Variants in ARSB observed in about 807,000 individuals in gnomAD.
ARSB encodes the protein N-acetylgalactosamine-4-sulfatase.
Under a neutral mutation model 50.9 loss-of-function variants are expected in ARSB, and 41 were observed. The ratio of observed to expected loss-of-function variants is 0.81; its 90% CI spans 0.63 to 1.04. The LOEUF is 1.04. Among genes scored for constraint, ARSB ranks in the 50% least tolerant of loss-of-function variants. The probability of loss-of-function intolerance (pLI) is 0.00; values close to 1 mark genes in which losing one functional copy is unlikely to be tolerated. For missense variants in ARSB, 672 were observed against 693.3 expected, an observed-to-expected ratio of 0.97 and a Z score of 0.35; for synonymous variants, 269 against 284.8, an observed-to-expected ratio of 0.94 and a Z score of 0.56.
intron 6 of ARSB, among the ~76,000 whole-genome samples, chr5:78,801,084 G>C (rs1324753717): frequency 6.6e-6 from 1 of 152,176 alleles, no homozygotes; most frequent in East Asian, 1.9e-4. Context: ...ATAGAAGTTA[G>C]AACTTTATTC....
At chr5:78,945,913 G>A (rs541171270) in intron 4 of ARSB, among the ~76,000 whole-genome samples, 6 of 152,270 alleles carry the variant, frequency 3.9e-5, no homozygotes, top group South Asian at 2.1e-4. Flanking sequence ...GCTCTGAGAG[G>A]TGGCTCTTAT....
intron 6 of ARSB, among the ~76,000 whole-genome samples, chr5:78,825,232 G>C (rs1013921099): frequency 2.6e-5 from 4 of 152,196 alleles, no homozygotes; most frequent in Non-Finnish European, 4.4e-5. Context: ...ATTTTAAAGA[G>C]AAAATGTAAA....
At chr5:78,937,865 A>G (rs527482481) in intron 4 of ARSB, among the ~76,000 whole-genome samples, 2 of 152,298 alleles carry the variant, frequency 1.3e-5, no homozygotes, top group East Asian at 3.9e-4. Context: ...CAAGATTATC[A>G]CCAGCAACAT....
At chr5:78,813,205 C>G (rs1165102925) in intron 6 of ARSB, among the ~76,000 whole-genome samples, 6 of 151,996 alleles carry the variant, frequency 3.9e-5, no homozygotes, top group African/African-American at 1.4e-4. Context: ...GCTGGGATTA[C>G]AGGCATGTGC....
At chr5:78,862,524 G>T (rs1257235607) in intron 5 of ARSB, among the ~76,000 whole-genome samples, 1 of 152,150 alleles carries the variant, frequency 6.6e-6, no homozygotes, top group Non-Finnish European at 1.5e-5. Context: ...TTAATACATG[G>T]TGCTGGGAAA....
At chr5:78,807,961 C>T (rs28635990) in intron 6 of ARSB, among the ~76,000 whole-genome samples, 2,040 of 148,920 alleles carry the variant, frequency 0.014, 36 homozygotes, top group African/African-American at 0.048. Flanking sequence ...GGCGTAGTGG[C>T]GGGCGCCTGT....
At chr5:78,947,638 G>A (rs1324629937) in intron 4 of ARSB, among the ~76,000 whole-genome samples, 1 of 152,158 alleles carries the variant, frequency 6.6e-6, no homozygotes, top group Non-Finnish European at 1.5e-5. Context: ...AATAATGAAT[G>A]CTGGCGAGGA....
intron 6 of ARSB, among the ~76,000 whole-genome samples, chr5:78,831,954 C>A (rs553746370): frequency 3.9e-5 from 6 of 152,168 alleles, no homozygotes; most frequent in East Asian, 3.9e-4. Flanking sequence ...TGATTCTAAT[C>A]GAATCAGCTG....
At chr5:78,866,360 C>G (rs769808498) in intron 5 of ARSB, among the ~76,000 whole-genome samples, 3 of 152,098 alleles carry the variant, frequency 2.0e-5, no homozygotes, top group Non-Finnish European at 4.4e-5. Context: ...ATCATGAGAA[C>G]AGCATAGGAA....
At chr5:78,792,153 C>T (rs1247818177) in intron 6 of ARSB, among the ~76,000 whole-genome samples, 3 of 152,100 alleles carry the variant, frequency 2.0e-5, no homozygotes, top group Non-Finnish European at 2.9e-5. Flanking sequence ...CTGAGGCGGG[C>T]AGATCACTTG....
At chr5:78,971,811 A>G (rs1373729950) in intron 1 of ARSB, among the ~76,000 whole-genome samples, 1 of 152,216 alleles carries the variant, frequency 6.6e-6, no homozygotes, top group East Asian at 1.9e-4. Flanking sequence ...TGATGTGGTG[A>G]TGGTTTCACA....
intron 6 of ARSB, among the ~76,000 whole-genome samples, chr5:78,801,453 G>A (rs891814936): frequency 2.0e-5 from 3 of 152,212 alleles, no homozygotes; most frequent in Admixed American, 6.5e-5. Flanking sequence ...GGAAGAACAC[G>A]TGAGAGATGT....
At position 78,796,904 on chromosome 5, in the gene ARSB, G is replaced by A. The variant is rs1716980631; in HGVS notation, c.1214-14930C>T. ...CTTTTTTTTTTTTTTTTGAGACAGAGTCTCGCTCTGTCGCCCAGGCTGGAG... is the reference window on the plus strand; with the variant it reads ...CTTTTTTTTTTTTTTTTGAGACAGAATCTCGCTCTGTCGCCCAGGCTGGAG... On this transcript the variant is annotated intron_variant, in intron 6 of 7. Transcript: ENST00000264914. Among the ~76,000 whole-genome samples, 3 of 139,340 alleles carry A rather than the reference G, an allele frequency of 2.2e-5. No homozygotes were observed. The Admixed American group carries it at 2.2e-4, about 10-fold the overall frequency. 91.4% of individuals were successfully genotyped at this position (139,340 alleles called of 152,430 possible).
chr5:78,864,942 T>C (rs1237355440), intron 5 of ARSB, among the ~76,000 whole-genome samples: 4 of 152,214 alleles, frequency 2.6e-5, no homozygotes, highest in African/African-American at 9.6e-5. Context: ...GTTCCCATGG[T>C]CTTGGGCAGC....
At chr5:78,783,761 T>C (rs1748991092) in intron 6 of ARSB, among the ~76,000 whole-genome samples, 1 of 152,162 alleles carries the variant, frequency 6.6e-6, no homozygotes, top group African/African-American at 2.4e-5. Flanking sequence ...AAAAGGAAAT[T>C]TAACTATCTC....
chr5:78,850,833 T>C (rs1457028947), intron 5 of ARSB, among the ~76,000 whole-genome samples: 2 of 152,268 alleles, frequency 1.3e-5, no homozygotes, highest in Non-Finnish European at 2.9e-5. Context: ...CTAGATTTTC[T>C]AGTTTATTTG....
chr5:78,956,212 C>T (rs1387095655), intron 3 of ARSB, among the ~76,000 whole-genome samples: 1 of 152,152 alleles, frequency 6.6e-6, no homozygotes, highest in Non-Finnish European at 1.5e-5. Context: ...TTGATACATA[C>T]TACAACATAG....
At chr5:78,792,266 C>G (rs1742975909) in intron 6 of ARSB, among the ~76,000 whole-genome samples, 1 of 151,782 alleles carries the variant, frequency 6.6e-6, no homozygotes, top group South Asian at 2.1e-4. Flanking sequence ...GTAATCCCAG[C>G]TACTCAGGAG....
chr5:78,832,893 G>A (rs770922654), intron 6 of ARSB, among the ~76,000 whole-genome samples: 33 of 152,088 alleles, frequency 2.2e-4, no homozygotes, highest in Non-Finnish European at 4.6e-4. Context: ...GTGTGCGTAC[G>A]TTTTAAATAT....
Sources: gnomAD v4.1 joint callset for allele counts (sites outside exome capture counted in the v4.1 genomes callset) on GRCh38, gnomAD v4.1.1 for gene constraint, MANE v1.5 for transcripts, NCBI Gene and HGNC (gene_info 2026-07-23, HGNC 2026-07-21) for gene names.